The following KIF5C variants were observed in gnomAD, a reference collection of about 807,000 sequenced individuals.
KIF5C encodes the protein kinesin heavy chain isoform 5C.
Under a neutral mutation model 125.2 loss-of-function variants are expected in KIF5C, and 18 were observed. That is an observed-to-expected ratio of 0.14 (90% CI 0.10 to 0.21). The LOEUF (loss-of-function observed/expected upper bound fraction) is 0.21. Ranked by LOEUF, KIF5C falls within the 10% of genes least tolerant of loss-of-function variation. The pLI is 1.00. For missense variants in KIF5C, 780 were observed against 1,183.8 expected (o/e 0.66, Z 5.01); for synonymous variants, 405 against 434.0 (o/e 0.93, Z 0.83).
intron 13 of KIF5C, among the ~76,000 whole-genome samples, chr2:148,979,595 C>T (rs889060239): frequency 2.6e-5 from 4 of 152,108 alleles, no homozygotes; most frequent in African/African-American, 9.7e-5. Context: ...GATTCTGCCT[C>T]CTAATACCCA....
chr2:148,944,454 C>T (rs113749914), intron 7 of KIF5C, among the ~76,000 whole-genome samples: 4 of 152,194 alleles, frequency 2.6e-5, no homozygotes, highest in African/African-American at 9.7e-5. Context: ...CAAGTTTCAT[C>T]CATGTGGTAG....
intron 10 of KIF5C, among the ~76,000 whole-genome samples, chr2:148,952,756 A>G (rs552927010): frequency 5.9e-5 from 9 of 152,268 alleles, no homozygotes; most frequent in Admixed American, 2.0e-4. Flanking sequence ...GGATTATATG[A>G]GTTGCTTCAG....
At chr2:148,908,928 G>T (rs1681222253) in intron 1 of KIF5C, among the ~76,000 whole-genome samples, 1 of 152,200 alleles carries the variant, frequency 6.6e-6, no homozygotes, top group African/African-American at 2.4e-5. Flanking sequence ...GATGAGGCCA[G>T]TATGGCACAA....
chr2:149,019,268 G>A (rs1243061037), intron 25 of KIF5C, among the ~76,000 whole-genome samples: 3 of 152,182 alleles, frequency 2.0e-5, no homozygotes, highest in African/African-American at 7.2e-5. Context: ...AGGCTTGTCT[G>A]GGATTGAATG....
intron 3 of KIF5C, among the ~76,000 whole-genome samples, chr2:148,931,658 G>C (rs137986198): frequency 6.6e-6 from 1 of 151,870 alleles, no homozygotes; most frequent in African/African-American, 2.4e-5. Context: ...ACAAGACTCC[G>C]TCTCAAAAAA....
At chr2:148,883,365 G>C (rs35378341) in intron 1 of KIF5C, among the ~76,000 whole-genome samples, 1 of 152,094 alleles carries the variant, frequency 6.6e-6, no homozygotes, top group African/African-American at 2.4e-5. Flanking sequence ...GCCAGGCATG[G>C]TGGCGGGCAC....
Position 148,973,442 on chromosome 2 carries a change from C to A in KIF5C, c.1224C>A (p.Gly408=), listed in dbSNP as rs369291063. 3.8e-5 allele frequency: 61 copies of A among 1,613,526 alleles called. No individual in the cohort carries two copies. In the African/African-American group the frequency reaches 7.1e-4, roughly 19 times the overall value. Residue 408 remains glycine, a synonymous_variant, in exon 12 of 26, where the codon GGC becomes GGA. Coordinates refer to ENST00000435030, the MANE Select transcript of KIF5C (RefSeq NM_004522.3). ...IIDNIAPVVA[G]ISTEEKEKYD... ...ACAATATTGCTCCTGTTGTTGCTGG[C>A]ATCTCTACAGAGGAGAAAGAGAAGT...
chr2:148,894,273 C>T (rs1681779759), intron 1 of KIF5C, among the ~76,000 whole-genome samples: 1 of 152,180 alleles, frequency 6.6e-6, no homozygotes, highest in Non-Finnish European at 1.5e-5. Flanking sequence ...TCACTAAGTA[C>T]AGAAAATGAT....
At chr2:148,933,631 T>G (rs1174704553) in intron 3 of KIF5C, among the ~76,000 whole-genome samples, 2 of 139,408 alleles carry the variant, frequency 1.4e-5, no homozygotes, top group East Asian at 4.4e-4. Flanking sequence ...CATACACCAC[T>G]ACCACACCCC....
At chr2:148,881,181 A>T (rs1398108022) in intron 1 of KIF5C, among the ~76,000 whole-genome samples, 2 of 151,972 alleles carry the variant, frequency 1.3e-5, no homozygotes, top group Non-Finnish European at 2.9e-5. Context: ...TGGCCCCACA[A>T]ATTAGTGCCC....
chr2:148,950,423 A>G lies in KIF5C; in HGVS notation c.929A>G (p.Asn310Ser). 3.1e-6 allele frequency: 5 copies of G among 1,613,956 alleles called. No homozygotes were observed. Among genetic ancestry groups the G allele is most frequent in the South Asian group, 1.1e-5 (1 of 91,048 alleles). The change falls in exon 10 of 26, where the codon AAT becomes AGT. Residue 310 changes from asparagine to serine, a missense_variant. Around this residue, in one of 2 missense-constraint regions of KIF5C, gnomAD observed 207 missense variants for 441.2 expected, o/e 0.47. Coordinates refer to ENST00000435030, the MANE Select transcript of KIF5C (RefSeq NM_004522.3). ...IVICCSPSVF[N>S]EAETKSTLMF... ...ATTTGCTGTTCTCCTTCTGTCTTCA[A>G]TGAGGCTGAGACCAAGTCCACACTG...
chr2:148,895,868 ACACACACC>A (rs1383977714), intron 1 of KIF5C, among the ~76,000 whole-genome samples: 156 of 51,772 alleles, frequency 3.0e-3, no homozygotes, highest in East Asian at 5.6e-3. Context: ...ACACACACAC[ACACACACC>A]CACAGAGATC....
At chr2:148,947,104 T>C in intron 8 of KIF5C, 81 bp downstream of exon 8, 1 of 1,489,902 alleles carries the variant, frequency 6.7e-7, no homozygotes, top group Non-Finnish European at 8.9e-7. Flanking sequence ...TTTTATGCTT[T>C]TCTATTTTCC....
At position 148,875,571 on chromosome 2, in the gene KIF5C, C is replaced by A. The variant is rs1681156081; in HGVS notation, c.-47C>A. 4.0e-6 allele frequency: 3 copies of A among 742,732 alleles called. No individual in the cohort carries two copies. The highest frequency in any genetic ancestry group is 2.1e-5 in the Admixed American group (1 of 48,146). 46.0% of individuals were successfully genotyped at this position (742,732 alleles called of 1,614,324 possible). A position where few individuals can be genotyped will look rare whatever the true frequency, so the allele number is the denominator to read the frequency against. On this transcript the variant is annotated 5_prime_UTR_variant, in exon 1 of 26. Transcript: ENST00000435030. ...GGCCTCCTCCCTCGTCGTTCCCGGC[C>A]CCGGCCCCCCACCCATCCCCGTGCC...
chr2:148,941,911 C>T (rs746344928), intron 5 of KIF5C, 24 bp from the exon 6 acceptor site: 4 of 1,602,854 alleles, frequency 2.5e-6, no homozygotes, highest in African/African-American at 1.3e-5. Context: ...TCTTCTTTGC[C>T]TGCTGTCATT....
intron 4 of KIF5C, among the ~76,000 whole-genome samples, chr2:148,937,991 A>G (rs1284382475): frequency 6.6e-6 from 1 of 152,126 alleles, no homozygotes; most frequent in Non-Finnish European, 1.5e-5. Context: ...CTTCCTTTTT[A>G]TCTTCCCCCT....
intron 1 of KIF5C, among the ~76,000 whole-genome samples, chr2:148,906,990 T>C (rs572705253): frequency 6.6e-6 from 1 of 151,872 alleles, no homozygotes; most frequent in East Asian, 1.9e-4. Flanking sequence ...AGTCCAGAAG[T>C]TTGAGACTAC....
intron 7 of KIF5C, among the ~76,000 whole-genome samples, chr2:148,946,276 G>A (rs1190245717): frequency 2.0e-5 from 3 of 152,152 alleles, no homozygotes; most frequent in Non-Finnish European, 4.4e-5. Flanking sequence ...AGGCTGAATG[G>A]GATGGTTGCT....
chr2:148,955,594 A>G (rs1682772819), intron 10 of KIF5C, among the ~76,000 whole-genome samples: 1 of 151,988 alleles, frequency 6.6e-6, no homozygotes, highest in Non-Finnish European at 1.5e-5. Flanking sequence ...TATCATATAT[A>G]TGTATGTATG....
Sources: allele counts gnomAD v4.1 joint callset (sites outside exome capture counted in the v4.1 genomes callset), GRCh38; gene constraint gnomAD v4.1.1; regional missense constraint gnomAD v4.1.1; transcripts MANE v1.5; gene names NCBI Gene and HGNC (gene_info 2026-07-23, HGNC 2026-07-21).